DNAH3: variants seen among roughly 807,000 people sequenced by gnomAD.
DNAH3 encodes dynein axonemal heavy chain 3, also known as axonemal beta dynein heavy chain 3.
A neutral mutation model predicts 432.5 loss-of-function variants in DNAH3; 332 were observed. The observed-to-expected ratio is 0.77, with a 90% confidence interval of 0.70 to 0.84. The LOEUF is 0.84. Among genes scored for constraint, DNAH3 ranks in the 40% least tolerant of loss-of-function variants. DNAH3 has a pLI of 0.00. For missense variants in DNAH3, 4,861 were observed against 5,114.0 expected, an observed-to-expected ratio of 0.95 and a Z score of 1.51; for synonymous variants, 1,956 against 1,900.2, an observed-to-expected ratio of 1.03 and a Z score of -0.76.
intron 41 of DNAH3, among the ~76,000 whole-genome samples, chr16:21,013,189 G>A (rs2087691234): frequency 6.6e-6 from 1 of 152,000 alleles, no homozygotes; most frequent in Non-Finnish European, 1.5e-5. Context: ...ATTGACAACA[G>A]GAAATTAATA....
chr16:21,016,722 T>G (rs2087875542), intron 41 of DNAH3, among the ~76,000 whole-genome samples: 1 of 152,206 alleles, frequency 6.6e-6, no homozygotes, highest in South Asian at 2.1e-4. Flanking sequence ...TCATAGCAGC[T>G]TTATTCGCAA....
chr16:20,964,835 G>A lies in DNAH3; in HGVS notation c.9049C>T (p.Arg3017Trp), dbSNP rs200884989. ...AACCACTGATTTTGGCACTGGACCC[G>A]ATAATCCACTGTAAAAGCGCCCAGG... The change falls in exon 53 of 62, where the codon CGG becomes TGG. Residue 3017 changes from arginine (R) to tryptophan (W), a missense_variant. Physicochemically the swap from Arg to Trp is moderately radical, Grantham distance 101. Transcript: ENST00000261383. 1.3e-4 allele frequency: 211 copies of A among 1,613,984 alleles called. 1 individual carries two copies. The highest frequency in any genetic ancestry group is 2.2e-5 in the Non-Finnish European group (26 of 1,180,046).
chr16:21,040,358 A>ATTTTTTTT (rs55797285), intron 32 of DNAH3, among the ~76,000 whole-genome samples: 7 of 79,708 alleles, frequency 8.8e-5, no homozygotes, highest in African/African-American at 1.7e-4. Flanking sequence ...AGCCAGACAG[A>ATTTTTTTT]TTTTTTTTTT....
At chr16:21,107,367 G>A (rs2091972523) in intron 14 of DNAH3, among the ~76,000 whole-genome samples, 1 of 150,350 alleles carries the variant, frequency 6.7e-6, no homozygotes, top group Non-Finnish European at 1.5e-5. Flanking sequence ...AGCCTCCCGA[G>A]TAGCTGGGAT....
chr16:21,088,278 G>C (rs1159574518), intron 18 of DNAH3, among the ~76,000 whole-genome samples: 1 of 152,188 alleles, frequency 6.6e-6, no homozygotes, highest in Non-Finnish European at 1.5e-5. Context: ...TACGCAACAA[G>C]TGAGTAGCCT....
At chr16:21,130,160 A>T (rs1427104284) in intron 7 of DNAH3, 1 of 151,224 alleles carries the variant, frequency 6.6e-6, no homozygotes, top group Non-Finnish European at 1.5e-5. Context: ...CTTTGGACCT[A>T]ATATATATTT....
intron 24 of DNAH3, among the ~76,000 whole-genome samples, chr16:21,064,860 GGTGTGTGTGTGTGTGTGTGTGTGTGT>G (rs369066790): frequency 3.8e-5 from 5 of 131,700 alleles, no homozygotes; most frequent in Non-Finnish European, 8.4e-5. Context: ...TATTGAGGTA[GGTGTGTGTGTGTGTGTGTGTGTGTGT>G]GTGTGTGTGT....
At chr16:21,079,809 C>T (rs1056231170) in intron 20 of DNAH3, among the ~76,000 whole-genome samples, 3 of 152,112 alleles carry the variant, frequency 2.0e-5, no homozygotes, top group Non-Finnish European at 4.4e-5. Context: ...AAAACATTTG[C>T]GTCTCTAGGC....
chr16:21,022,200 ACTG>A, intron 39 of DNAH3, 100 bp from the exon 40 acceptor site: 1 of 1,272,076 alleles, frequency 7.9e-7, no homozygotes, highest in Non-Finnish European at 1.1e-6. Context: ...TGCTGGTTAG[ACTG>A]CTGATTTAAA....
rs1021417869 is a variant in DNAH3, at chr16:20,954,763, T to C, written c.11071+50A>G. 2.5e-6 allele frequency: 4 copies of C among 1,591,932 alleles called. No individual in the cohort carries two copies. In the Admixed American group the frequency reaches 6.9e-5, roughly 27 times the overall value. On this transcript the variant is annotated intron_variant, in intron 55 of 61. Coordinates refer to ENST00000261383, the Ensembl canonical transcript of DNAH3. ...ACGCACCTGGAAACACACCTATATGTGTCTGATATCCTTTCCCTCAGGCCA... is the reference window on the plus strand; with the variant it reads ...ACGCACCTGGAAACACACCTATATGCGTCTGATATCCTTTCCCTCAGGCCA...
At chr16:21,139,652 G>C (rs913760924) in intron 5 of DNAH3, among the ~76,000 whole-genome samples, 4 of 151,460 alleles carry the variant, frequency 2.6e-5, no homozygotes, top group Non-Finnish European at 4.4e-5. Context: ...AATTTTTGTA[G>C]AGATTGGGTT....
At chr16:21,135,948 C>T (rs2092636363) in intron 6 of DNAH3, among the ~76,000 whole-genome samples, 1 of 143,512 alleles carries the variant, frequency 7.0e-6, no homozygotes. Context: ...TCTACTGAAT[C>T]GCAATCTGCA....
intron 20 of DNAH3, among the ~76,000 whole-genome samples, chr16:21,077,330 T>C (rs552059238): frequency 6.8e-4 from 103 of 152,050 alleles, no homozygotes; most frequent in Middle Eastern, 3.4e-3. Context: ...ACCTGGCTAA[T>C]TTTTGTATTT....
At chr16:21,100,108 CTCTT>C (rs1447038397) in intron 16 of DNAH3, among the ~76,000 whole-genome samples, 2 of 151,952 alleles carry the variant, frequency 1.3e-5, no homozygotes, top group South Asian at 2.1e-4. Flanking sequence ...CTCTCTTTAT[CTCTT>C]TCTTTCTGGA....
chr16:21,038,118 G>T, intron 33 of DNAH3, 138 bp from the exon 34 acceptor site: 1 of 688,386 alleles, frequency 1.5e-6, no homozygotes, highest in Non-Finnish European at 2.5e-6. Flanking sequence ...TATCCTTTAA[G>T]GATATTTTAA....
At chr16:21,140,256 A>C in intron 5 of DNAH3, 1 of 255,242 alleles carries the variant, frequency 3.9e-6, no homozygotes, top group Non-Finnish European at 7.4e-6. Context: ...CCCCCAGCCT[A>C]TGGGCCACTA....
rs372868807 is a variant in DNAH3, at chr16:20,979,457, G to T, written c.7949C>A (p.Thr2650Asn). 203 of 1,614,002 alleles carry T rather than the reference G, an allele frequency of 1.3e-4. No individual in the cohort carries two copies. The highest frequency in any genetic ancestry group is 1.6e-4 in the Non-Finnish European group (194 of 1,180,044). The change falls in exon 50 of 62, where the codon ACC becomes AAC. Residue 2650 changes from threonine (T) to asparagine (N), a missense_variant. Physicochemically the swap from Thr to Asn is moderately conservative, Grantham distance 65 (BLOSUM62 0). Coordinates refer to ENST00000261383, the Ensembl canonical transcript of DNAH3. ...AATCAATTCAAGGTAGGAGGTGGGG[G>T]TAACATAGTTGTGTCTTCGAAGTTT...
chr16:21,010,893 T>C (rs1000757794), intron 41 of DNAH3, among the ~76,000 whole-genome samples: 4 of 151,180 alleles, frequency 2.6e-5, no homozygotes, highest in African/African-American at 7.4e-5. Flanking sequence ...AACCTGTTTT[T>C]TTTTTTTTGT....
chr16:21,126,049 G>A (rs2092439981), intron 8 of DNAH3, among the ~76,000 whole-genome samples: 1 of 152,188 alleles, frequency 6.6e-6, no homozygotes, highest in Non-Finnish European at 1.5e-5. Flanking sequence ...TGTAGTCCCA[G>A]CTACTTGGGA....
Sources: allele counts gnomAD v4.1 joint callset (sites outside exome capture counted in the v4.1 genomes callset), GRCh38; gene constraint gnomAD v4.1.1; transcripts MANE v1.5; gene names NCBI Gene and HGNC (gene_info 2026-07-23, HGNC 2026-07-21).